FNDC7: variants seen among roughly 807,000 people sequenced by gnomAD.
FNDC7 encodes fibronectin type III domain-containing protein 7.
In FNDC7, 66 loss-of-function variants were observed where a neutral mutation model predicts 74.2. The ratio of observed to expected loss-of-function variants is 0.89; its 90% CI spans 0.73 to 1.09. The LOEUF is 1.09. Among genes scored for constraint, FNDC7 ranks in the 50% least tolerant of loss-of-function variants. FNDC7 has a pLI of 0.00. For synonymous variants in FNDC7, 307 were observed against 330.2 expected (o/e 0.93, Z 0.76); for missense variants, 829 against 893.4 (o/e 0.93, Z 0.92).
intron 10 of FNDC7, chr1:108,734,160 A>G (rs369779597): frequency 6.6e-6 from 1 of 152,248 alleles, no homozygotes; most frequent in Admixed American, 6.5e-5. Flanking sequence ...ATTTTTTAAC[A>G]TAGTCTTGCT....
intron 8 of FNDC7, among the ~76,000 whole-genome samples, chr1:108,729,963 T>C (rs1255271518): frequency 6.6e-6 from 1 of 152,228 alleles, no homozygotes; most frequent in African/African-American, 2.4e-5. Flanking sequence ...AAATCAAGCT[T>C]TTATATCAGT....
intron 11 of FNDC7, among the ~76,000 whole-genome samples, chr1:108,740,065 C>T (rs894543588): frequency 4.0e-5 from 6 of 150,784 alleles, no homozygotes; most frequent in South Asian, 2.1e-4. Context: ...GCAAGGCCCT[C>T]CAAAAACAAG....
rs113890287 is a variant in FNDC7, at chr1:108,741,646, C to T, written c.2171-127C>T. The T allele has an allele frequency of 4.1e-4, 381 of 929,074 alleles. No individual in the cohort carries two copies. In the African/African-American group the frequency reaches 4.8e-3, roughly 12 times the overall value. 57.6% of individuals were successfully genotyped at this position (929,074 alleles called of 1,614,324 possible). A position where few individuals can be genotyped will look rare whatever the true frequency, so the allele number is the denominator to read the frequency against. ...TTGTCATAGTTTCATGTTTACTTGC[C>T]GTGAAGTGCTGCAAAAATAGCATTT... On this transcript the variant is annotated intron_variant, in intron 11 of 12. Coordinates refer to ENST00000370017, the MANE Select transcript of FNDC7 (RefSeq NM_001144937.3).
chr1:108,718,627 G>A (rs941067356), intron 3 of FNDC7, among the ~76,000 whole-genome samples, 162 bp from the exon 4 acceptor site: 1 of 152,154 alleles, frequency 6.6e-6, no homozygotes, highest in Non-Finnish European at 1.5e-5. Flanking sequence ...TTTATGATTA[G>A]TATACACTTA....
chr1:108,720,543 C>G (rs1390966073), intron 4 of FNDC7, among the ~76,000 whole-genome samples: 1 of 152,150 alleles, frequency 6.6e-6, no homozygotes, highest in Non-Finnish European at 1.5e-5. Flanking sequence ...GATTAGTTTC[C>G]TAGGGCTGCT....
chr1:108,729,549 A>AC (rs1661298287), intron 8 of FNDC7, among the ~76,000 whole-genome samples: 1 of 130,116 alleles, frequency 7.7e-6, no homozygotes, highest in African/African-American at 3.4e-5. Flanking sequence ...ATTCCGTCAC[A>AC]AAAAAAAAAA....
chr1:108,741,817 C>G lies in FNDC7; in HGVS notation c.*13C>G. ...AAATGAAGAATGACAAAGTGAGCCC[C>G]AGATAAAAACAAAAACTTGACCAAG... is the stretch of plus-strand genomic sequence containing the variant. On this transcript the variant is annotated 3_prime_UTR_variant, in exon 12 of 13. Coordinates refer to ENST00000370017, the MANE Select transcript of FNDC7 (RefSeq NM_001144937.3). 1 of 1,613,278 alleles carries G rather than the reference C, an allele frequency of 6.2e-7. No individual in the cohort carries two copies. Among genetic ancestry groups the G allele is most frequent in the Admixed American group, 1.7e-5 (1 of 59,964 alleles).
Position 108,728,851 on chromosome 1 carries a change from G to A in FNDC7, c.1589G>A (p.Arg530Gln), listed in dbSNP as rs766393815. 39 of 1,614,076 alleles carry A rather than the reference G, an allele frequency of 2.4e-5. No homozygotes were observed. Among genetic ancestry groups the A allele is most frequent in the Admixed American group, 5.0e-5 (3 of 60,012 alleles). The change falls in exon 8 of 13, where the codon CGG becomes CAG. Residue 530 changes from arginine to glutamine, a missense_variant. Transcript: ENST00000370017. ...GCTGTGGCCGAAACACAGGCAGGAC[G>A]GAGCCTGCCCAGCTACAGTGTGCCC... ...VTAVAETQAGRSLPSYSVPLE... is the reference protein window; with the variant it reads ...VTAVAETQAGQSLPSYSVPLE...
chr1:108,728,584 G>C (rs1404281643), intron 7 of FNDC7, 48 bp from the exon 8 acceptor site: 1 of 1,605,548 alleles, frequency 6.2e-7, no homozygotes, highest in East Asian at 2.2e-5. Context: ...TGGCACATGT[G>C]ATATTTTTGA....
chr1:108,737,358 CCTT>C lies in FNDC7; in HGVS notation c.2141-134_2141-132del, dbSNP rs200835197. The stretch of plus-strand genomic sequence containing the variant: ...CCAGGTCATACTGCTAGTAGTATCT[CCTT>C]CTCTTATCACCCAAGTTCGTTCTTG... On this transcript the variant is annotated intron_variant, in intron 10 of 12. Transcript: ENST00000370017. 2.7e-3 allele frequency: 1,697 copies of C among 627,680 alleles called. 26 individuals carry two copies. The African/African-American group carries it at 0.029, about 11-fold the overall frequency. 38.9% of individuals were successfully genotyped at this position (627,680 alleles called of 1,614,324 possible).
chr1:108,727,598 T>C (rs1661246980), intron 6 of FNDC7, among the ~76,000 whole-genome samples: 1 of 152,056 alleles, frequency 6.6e-6, no homozygotes, highest in African/African-American at 2.4e-5. Flanking sequence ...CCTTATAGCT[T>C]GCAATGACCT....
At chr1:108,741,181 G>A (rs1033731560) in intron 11 of FNDC7, among the ~76,000 whole-genome samples, 9 of 152,114 alleles carry the variant, frequency 5.9e-5, no homozygotes, top group African/African-American at 2.2e-4. Context: ...TTTCAATGCT[G>A]GAAATTTGAT....
Position 108,728,890 on chromosome 1 carries a change from T to A in FNDC7, c.1624+4T>A. On this transcript the variant is annotated splice_donor_region_variant and intron_variant, in intron 8 of 12. Transcript: ENST00000370017. ...TACAGTGTGCCCCTGGAAACAGGTA[T>A]GTAGCAACCACCAGCCTGAATGTTG... 6.2e-7 allele frequency: 1 copy of A among 1,611,228 alleles called. No homozygotes were observed. Among genetic ancestry groups the A allele is most frequent in the Middle Eastern group, 1.7e-4 (1 of 5,780 alleles).
intron 6 of FNDC7, 100 bp from the exon 7 acceptor site, chr1:108,727,708 C>G (rs1462091172): frequency 7.8e-6 from 11 of 1,414,382 alleles, no homozygotes; most frequent in Non-Finnish European, 1.1e-5. Context: ...TCAGGGAGGG[C>G]AGTGGCAGAG....
intron 10 of FNDC7, chr1:108,734,391 T>G (rs944843898): frequency 6.6e-6 from 1 of 152,188 alleles, no homozygotes. Context: ...ACATTAGCAA[T>G]TCTCCGCTCT....
At chr1:108,732,317 G>C (rs925303028) in intron 9 of FNDC7, among the ~76,000 whole-genome samples, 1 of 138,604 alleles carries the variant, frequency 7.2e-6, no homozygotes, top group Non-Finnish European at 1.5e-5. Context: ...CGACCAGCCT[G>C]GGCAACAGAG....
chr1:108,729,304 C>T (rs1300295051), intron 8 of FNDC7, among the ~76,000 whole-genome samples: 1 of 152,172 alleles, frequency 6.6e-6, no homozygotes, highest in Non-Finnish European at 1.5e-5. Context: ...AATCCCAGCA[C>T]TTTGGGAGGC....
In FNDC7 at chr1:108,725,999, C is replaced by G; in HGVS notation, c.1106C>G (p.Thr369Ser). 6.2e-7 allele frequency: 1 copy of G among 1,614,070 alleles called. No homozygotes were observed. The highest frequency in any genetic ancestry group is 8.5e-7 in the Non-Finnish European group (1 of 1,179,962). The change falls in exon 6 of 13, where the codon ACC becomes AGC. Residue 369 changes from threonine (T) to serine (S), a missense_variant. By Grantham distance (58) the Thr-to-Ser change is moderately conservative (BLOSUM62 1). Transcript: ENST00000370017. ...CCTTTGGGTGACATATTCAATTATA[C>G]CACAGGTAAGTCCCATTTGATGTTT... ...QSPLGDIFNY[T>S]TAPCCPSDIN...
rs1292820329 is a variant in FNDC7 at position 108,742,550 on chromosome 1, AG to A, written c.*666del. ...GCAGAGCTGCCAGCCTGTTGCTAGA[AG>A]GGTTGCAGTTATGCTTTCTGCATGA... is the stretch of plus-strand genomic sequence containing the variant. On this transcript the variant is annotated 3_prime_UTR_variant, in exon 13 of 13. Coordinates refer to ENST00000370017, the MANE Select transcript of FNDC7 (RefSeq NM_001144937.3). 6.6e-6 allele frequency: 1 copy of A among 152,228 alleles called. No homozygotes were observed. The highest frequency in any genetic ancestry group is 2.4e-5 in the African/African-American group (1 of 41,446). 9.4% of individuals were successfully genotyped at this position (152,228 alleles called of 1,614,324 possible). A position where few individuals can be genotyped will look rare whatever the true frequency, so the allele number is the denominator to read the frequency against.
Sources: gnomAD v4.1 joint callset for allele counts (sites outside exome capture counted in the v4.1 genomes callset) on GRCh38, gnomAD v4.1.1 for gene constraint, MANE v1.5 for transcripts, NCBI Gene and HGNC (gene_info 2026-07-23, HGNC 2026-07-21) for gene names.